ANXA10: variants seen among roughly 807,000 people sequenced by gnomAD.
ANXA10 encodes annexin A10.
ANXA10 carries 49 observed loss-of-function variants against 53.5 expected under a neutral mutation model. That is an observed-to-expected ratio of 0.92 (90% CI 0.73 to 1.16). ANXA10 has a LOEUF of 1.16. Ranked by LOEUF, ANXA10 falls within the 50% of genes most tolerant of loss-of-function variation. The probability of loss-of-function intolerance (pLI) is 0.00; values close to 1 mark genes in which losing one functional copy is unlikely to be tolerated. For synonymous variants in ANXA10, 131 were observed against 128.9 expected (o/e 1.02, Z -0.11); for missense variants, 393 against 394.4 (o/e 1.00, Z 0.03).
intron 1 of ANXA10, among the ~76,000 whole-genome samples, chr4:168,106,071 T>G (rs1038405349): frequency 6.6e-6 from 1 of 152,284 alleles, no homozygotes; most frequent in Middle Eastern, 3.4e-3. Flanking sequence ...TGCAAAAGTT[T>G]CTCCCATTCT....
intron 6 of ANXA10, among the ~76,000 whole-genome samples, chr4:168,166,681 T>TGTGTGTGTGTG (rs1731887580): frequency 2.3e-5 from 3 of 128,662 alleles, no homozygotes; most frequent in Non-Finnish European, 5.0e-5. Flanking sequence ...TGTGTGTGTG[T>TGTGTGTGTGTG]TTGAAATGAA....
At chr4:168,129,637 G>A (rs1404502673) in intron 2 of ANXA10, among the ~76,000 whole-genome samples, 1 of 152,124 alleles carries the variant, frequency 6.6e-6, no homozygotes, top group Non-Finnish European at 1.5e-5. Context: ...CTCTGGCGAA[G>A]TGTTATTGAA....
In ANXA10 at chr4:168,130,438, TG is replaced by T. The variant is rs1295385159; in HGVS notation, c.100+2274del. 2.0e-5 allele frequency among the ~76,000 whole-genome samples: 3 copies of T among 152,244 alleles called. No homozygotes were observed. In the South Asian group the frequency reaches 6.2e-4, roughly 32 times the overall value. On this transcript the variant is annotated intron_variant, in intron 2 of 11. Transcript: ENST00000359299. Reference sequence around the variant, plus strand: ...ATGTTGGTCAGTAATTTTCTTTTCTTGTTGTGCCTTTCTCTGGTTTTGGTAT... The same window carrying T: ...ATGTTGGTCAGTAATTTTCTTTTCTTTTGTGCCTTTCTCTGGTTTTGGTAT...
intron 2 of ANXA10, among the ~76,000 whole-genome samples, chr4:168,138,389 T>A (rs554374980): frequency 2.0e-5 from 3 of 150,978 alleles, no homozygotes; most frequent in Non-Finnish European, 4.4e-5. Context: ...TTGTATGTCT[T>A]CTTTTGGAAA....
At chr4:168,156,162 T>TAATA (rs377015231) in intron 3 of ANXA10, among the ~76,000 whole-genome samples, 1 of 50,888 alleles carries the variant, frequency 2.0e-5, no homozygotes, top group Non-Finnish European at 3.2e-5. Context: ...ATATTATATA[T>TAATA]TATATATATT....
rs554814219 is a variant in ANXA10 at position 168,167,771 on chromosome 4, C to T, written c.480+2445C>T. 2.6e-5 allele frequency among the ~76,000 whole-genome samples: 4 copies of T among 152,302 alleles called. No homozygotes were observed. In the East Asian group the frequency reaches 7.7e-4, roughly 29 times the overall value. ...TATTTCTCCGGTATGACTTTCTTTG[C>T]ATCCTTGCTCCCTCATTTATGCCTT... On this transcript the variant is annotated intron_variant, in intron 6 of 11. Transcript: ENST00000359299.
chr4:168,176,417 A>G (rs576323198), intron 6 of ANXA10, among the ~76,000 whole-genome samples: 3 of 152,166 alleles, frequency 2.0e-5, no homozygotes, highest in South Asian at 2.1e-4. Context: ...GACTCCCCCA[A>G]AGGTCTAGCT....
rs1732253636 is a variant in ANXA10 at position 168,181,814 on chromosome 4, C to T, written c.783+73C>T. 4 of 1,121,160 alleles carry T rather than the reference C, an allele frequency of 3.6e-6. No homozygotes were observed. The South Asian group carries it at 3.9e-5, about 11-fold the overall frequency. 69.5% of individuals were successfully genotyped at this position (1,121,160 alleles called of 1,614,324 possible). ...TTTCTCAAAGGATTAATTTTACTTC[C>T]ATCATTTAAATGTTCATTACCATTT... On this transcript the variant is annotated intron_variant, in intron 10 of 11. Transcript: ENST00000359299.
At chr4:168,121,359 A>G (rs1353984062) in intron 1 of ANXA10, among the ~76,000 whole-genome samples, 3 of 152,136 alleles carry the variant, frequency 2.0e-5, no homozygotes, top group African/African-American at 7.2e-5. Context: ...TCCATTGTGT[A>G]TACGTATTTA....
At chr4:168,136,472 G>A (rs1295181563) in intron 2 of ANXA10, among the ~76,000 whole-genome samples, 1 of 152,150 alleles carries the variant, frequency 6.6e-6, no homozygotes, top group Non-Finnish European at 1.5e-5. Context: ...TTCCAAAGGG[G>A]AAAAATCAGC....
At chr4:168,132,232 T>C (rs1306821463) in intron 2 of ANXA10, among the ~76,000 whole-genome samples, 1 of 152,080 alleles carries the variant, frequency 6.6e-6, no homozygotes, top group Non-Finnish European at 1.5e-5. Flanking sequence ...AACCTGTGCA[T>C]CAACAGATGA....
At chr4:168,139,422 TA>T in intron 2 of ANXA10, 63 bp from the exon 3 acceptor site, 1 of 1,366,800 alleles carries the variant, frequency 7.3e-7, no homozygotes, top group Non-Finnish European at 1.0e-6. Context: ...GATCGTTAGA[TA>T]AAGGATTCTT....
At chr4:168,149,460 T>A (rs1461167247) in intron 3 of ANXA10, among the ~76,000 whole-genome samples, 1 of 152,220 alleles carries the variant, frequency 6.6e-6, no homozygotes, top group Non-Finnish European at 1.5e-5. Flanking sequence ...AAAAGTCTGT[T>A]AACTTTTTTT....
intron 1 of ANXA10, among the ~76,000 whole-genome samples, chr4:168,126,153 T>C (rs2149469370): frequency 6.6e-6 from 1 of 152,290 alleles, no homozygotes; most frequent in Admixed American, 6.5e-5. Context: ...AGGGCATTGT[T>C]CGAAAGGTAT....
intron 3 of ANXA10, among the ~76,000 whole-genome samples, chr4:168,155,784 TATTATATATAA>T (rs1395678294): frequency 0.027 from 629 of 22,918 alleles, 44 homozygotes; most frequent in Middle Eastern, 0.062. Flanking sequence ...ATATATTATA[TATTATATATAA>T]TATATAATAT....
At chr4:168,105,211 C>G (rs1730701208) in intron 1 of ANXA10, among the ~76,000 whole-genome samples, 1 of 151,788 alleles carries the variant, frequency 6.6e-6, no homozygotes, top group African/African-American at 2.4e-5. Context: ...TACTTTGTGA[C>G]TCAGGTATTA....
At chr4:168,095,261 C>A (rs958118142) in intron 1 of ANXA10, among the ~76,000 whole-genome samples, 17 of 151,720 alleles carry the variant, frequency 1.1e-4, no homozygotes, top group African/African-American at 3.9e-4. Context: ...TCAGCTGATC[C>A]CCCTTGTTCA....
intron 2 of ANXA10, 63 bp downstream of exon 2, chr4:168,128,228 A>T (rs1395267964): frequency 1.5e-6 from 2 of 1,324,468 alleles, no homozygotes; most frequent in Non-Finnish European, 2.2e-6. Flanking sequence ...TTGTTTTAAG[A>T]CTATACTGTG....
At chr4:168,141,314 T>C (rs189511055) in intron 3 of ANXA10, among the ~76,000 whole-genome samples, 6 of 152,326 alleles carry the variant, frequency 3.9e-5, no homozygotes, top group African/African-American at 1.4e-4. Context: ...CTGTAAATTA[T>C]TTCTCTTCAC....
Sources: allele counts gnomAD v4.1 joint callset (sites outside exome capture counted in the v4.1 genomes callset), GRCh38; gene constraint gnomAD v4.1.1; transcripts MANE v1.5; gene names NCBI Gene and HGNC (gene_info 2026-07-23, HGNC 2026-07-21).